The following KAZN variants were observed in gnomAD, a reference collection of about 807,000 sequenced individuals.
KAZN encodes the protein kazrin, periplakin interacting protein.
KAZN carries 40 observed loss-of-function variants against 87.4 expected under a neutral mutation model. That is an observed-to-expected ratio of 0.46 (90% CI 0.36 to 0.60). The LOEUF (loss-of-function observed/expected upper bound fraction) is 0.60, where lower values mean the gene tolerates loss of function less well. Ranked by LOEUF, KAZN falls within the 20% of genes least tolerant of loss-of-function variation. The pLI, the probability that KAZN is intolerant of heterozygous loss-of-function variation, is 0.00. For synonymous variants in KAZN, 466 were observed against 458.3 expected (o/e 1.02, Z -0.22); for missense variants, 898 against 1,073.9 (o/e 0.84, Z 2.29).
At chr1:14,572,875 T>C (rs1045257885) in intron 2 of KAZN, among the ~76,000 whole-genome samples, 1 of 152,188 alleles carries the variant, frequency 6.6e-6, no homozygotes, top group Non-Finnish European at 1.5e-5. Flanking sequence ...TAAACATTTA[T>C]GTAAGTATTA....
At chr1:15,044,758 A>AT (rs1006910078) in intron 4 of KAZN, among the ~76,000 whole-genome samples, 2 of 151,838 alleles carry the variant, frequency 1.3e-5, no homozygotes, top group African/African-American at 2.4e-5. Flanking sequence ...AGGAAAAAAA[A>AT]TTTTTTTTGT....
At chr1:14,877,191 G>A (rs1376820651) in intron 1 of KAZN, among the ~76,000 whole-genome samples, 1 of 152,114 alleles carries the variant, frequency 6.6e-6, no homozygotes, top group Non-Finnish European at 1.5e-5. Context: ...CACCAATCTC[G>A]TGGCTCTGTC....
rs1670618150 is a variant in KAZN, at chr1:15,021,043, C to G, written c.419-13706C>G. ...GTTACGCAGCAGGGGTGAGACCAGT[C>G]CATATCACTAGGCACCCAGGGCAGC... On this transcript the variant is annotated intron_variant, in intron 2 of 14. Coordinates refer to ENST00000376030, the MANE Select transcript of KAZN (RefSeq NM_201628.3). The surrounding 1 kb of genome is among the most constrained non-coding windows in gnomAD (Gnocchi z 4.2). Among the ~76,000 whole-genome samples, 1 of 152,184 alleles carries G rather than the reference C, an allele frequency of 6.6e-6. No individual in the cohort carries two copies. The highest frequency in any genetic ancestry group is 1.5e-5 in the Non-Finnish European group (1 of 68,036).
intron 1 of KAZN, among the ~76,000 whole-genome samples, chr1:14,691,452 C>T (rs1274457177): frequency 6.6e-6 from 1 of 152,084 alleles, no homozygotes; most frequent in Non-Finnish European, 1.5e-5. Context: ...CAGAGATGAA[C>T]TCTAGGTTTA....
At chr1:14,853,427 C>T (rs777716042) in intron 1 of KAZN, among the ~76,000 whole-genome samples, 1 of 152,134 alleles carries the variant, frequency 6.6e-6, no homozygotes, top group Non-Finnish European at 1.5e-5. Flanking sequence ...GGAATCCTCA[C>T]CACACTGCAT....
At chr1:14,722,523 T>G (rs1397358054) in intron 1 of KAZN, among the ~76,000 whole-genome samples, 1 of 152,224 alleles carries the variant, frequency 6.6e-6, no homozygotes, top group African/African-American at 2.4e-5. Flanking sequence ...TCAATAAATA[T>G]GAAAAAGTAT....
At chr1:14,926,346 T>A (rs894099126) in intron 1 of KAZN, among the ~76,000 whole-genome samples, 11 of 152,194 alleles carry the variant, frequency 7.2e-5, no homozygotes, top group African/African-American at 2.2e-4. Flanking sequence ...CATTTGTGTG[T>A]TCATCATAAT....
chr1:14,382,494 G>C (rs1283013710), intron 2 of KAZN, among the ~76,000 whole-genome samples: 4 of 103,950 alleles, frequency 3.8e-5, no homozygotes, highest in Non-Finnish European at 5.4e-5. Flanking sequence ...ACAGGCCCCA[G>C]AGTGTGATGT....
chr1:14,659,943 T>C (rs1639043122), intron 1 of KAZN, among the ~76,000 whole-genome samples: 1 of 152,040 alleles, frequency 6.6e-6, no homozygotes, highest in Non-Finnish European at 1.5e-5. Flanking sequence ...AGTACATTAC[T>C]GTACACTAGA....
chr1:14,894,268 A>C (rs1462943616), intron 1 of KAZN, among the ~76,000 whole-genome samples: 1 of 151,952 alleles, frequency 6.6e-6, no homozygotes, highest in Non-Finnish European at 1.5e-5. Flanking sequence ...CTCCTCCTGC[A>C]TCCTCCATCC....
At chr1:15,039,921 C>T (rs1199956104) in intron 3 of KAZN, among the ~76,000 whole-genome samples, 1 of 152,126 alleles carries the variant, frequency 6.6e-6, no homozygotes, top group Non-Finnish European at 1.5e-5. Flanking sequence ...TCATAATGCC[C>T]TTCAGATTCA....
chr1:14,995,797 C>T (rs1341069329), intron 2 of KAZN, among the ~76,000 whole-genome samples: 19 of 152,118 alleles, frequency 1.2e-4, no homozygotes, highest in Admixed American at 1.2e-3. Context: ...TTGGGTGCCT[C>T]GCCTGATTTA....
intron 2 of KAZN, among the ~76,000 whole-genome samples, chr1:14,478,112 T>G (rs1668854898): frequency 6.6e-6 from 1 of 152,138 alleles, no homozygotes; most frequent in Admixed American, 6.5e-5. Flanking sequence ...CATAAGCATG[T>G]TAGCCTTTGC....
intron 2 of KAZN, among the ~76,000 whole-genome samples, chr1:14,989,884 G>A (rs892362403): frequency 6.6e-6 from 1 of 152,222 alleles, no homozygotes; most frequent in Non-Finnish European, 1.5e-5. Flanking sequence ...AGAGCAAGTG[G>A]TGCTGGCTGC....
chr1:15,028,359 A>T (rs1321408356), intron 2 of KAZN, among the ~76,000 whole-genome samples: 1 of 152,154 alleles, frequency 6.6e-6, no homozygotes, highest in African/African-American at 2.4e-5. Context: ...GATGATTGGG[A>T]AGTCATGCAG....
At chr1:14,076,418 G>A (rs886304134) in intron 1 of KAZN, among the ~76,000 whole-genome samples, 1 of 152,186 alleles carries the variant, frequency 6.6e-6, no homozygotes, top group Non-Finnish European at 1.5e-5. Context: ...GCCAGAAGCT[G>A]GGGGAGAGGC....
chr1:15,085,760 T>C (rs1188968338), intron 8 of KAZN, among the ~76,000 whole-genome samples: 1 of 151,870 alleles, frequency 6.6e-6, no homozygotes, highest in African/African-American at 2.4e-5. Flanking sequence ...TAGGAAAAAA[T>C]AGAATTAGAA....
At chr1:14,331,794 A>G (rs564706031) in intron 2 of KAZN, among the ~76,000 whole-genome samples, 1 of 152,196 alleles carries the variant, frequency 6.6e-6, no homozygotes, top group African/African-American at 2.4e-5. Context: ...CATTTTCCCA[A>G]TTTCCATCAT....
intron 1 of KAZN, among the ~76,000 whole-genome samples, chr1:14,705,026 C>T (rs1642139143): frequency 6.6e-6 from 1 of 152,180 alleles, no homozygotes; most frequent in South Asian, 2.1e-4. Context: ...AACAAAACAC[C>T]ACAGACCAGG....
Sources: gnomAD v4.1 joint callset for allele counts (sites outside exome capture counted in the v4.1 genomes callset) on GRCh38, gnomAD v4.1.1 for gene constraint, Gnocchi (gnomAD v3.1) non-coding constraint, MANE v1.5 for transcripts, NCBI Gene and HGNC (gene_info 2026-07-23, HGNC 2026-07-21) for gene names.